The following RAB11A variants were observed in gnomAD, a reference collection of about 807,000 sequenced individuals.
RAB11A encodes RAB11A, member RAS oncogene family, also known as ras-related protein Rab-11A.
RAB11A carries 9 observed loss-of-function variants against 28.0 expected under a neutral mutation model. The observed-to-expected ratio is 0.32, with a 90% CI of 0.19 to 0.56. RAB11A has a LOEUF of 0.56. Among genes scored for constraint, RAB11A ranks in the 20% least tolerant of loss-of-function variants. The pLI, the probability that RAB11A is intolerant of heterozygous loss-of-function variation, is 0.91. For missense variants in RAB11A, 108 were observed against 269.6 expected, an observed-to-expected ratio of 0.40 and a Z score of 4.20; for synonymous variants, 85 against 88.2, an observed-to-expected ratio of 0.96 and a Z score of 0.20.
In RAB11A at chr15:65,887,764, G is replaced by C; in HGVS notation, c.575G>C (p.Ser192Thr). ...AGACGCGAAAATGACATGTCTCCAA[G>C]CAACAATGTGGTTCCTATTCATGTT... Reference protein sequence around the residue: ...SDRRENDMSPSNNVVPIHVPP... With the variant: ...SDRRENDMSPTNNVVPIHVPP... Residue 192 changes from serine (S) to threonine (T), a missense_variant, in exon 5 of 5, where the codon AGC becomes ACC. By Grantham distance (58) the Ser-to-Thr change is moderately conservative. This residue lies in a region of RAB11A where 85 missense variants were observed against 145.9 expected (regional missense o/e 0.58). Transcript: ENST00000261890. 1.2e-6 allele frequency: 2 copies of C among 1,613,628 alleles called. No homozygotes were observed. Among genetic ancestry groups the C allele is most frequent in the South Asian group, 2.2e-5 (2 of 91,016 alleles).
intron 4 of RAB11A, among the ~76,000 whole-genome samples, chr15:65,887,222 G>A (rs553301199): frequency 6.7e-6 from 1 of 149,780 alleles, no homozygotes; most frequent in African/African-American, 2.5e-5. Flanking sequence ...TGTCTAGGCT[G>A]GAGTGCAGTG....
chr15:65,880,452 C>T (rs531523095), intron 4 of RAB11A, among the ~76,000 whole-genome samples: 26 of 152,138 alleles, frequency 1.7e-4, no homozygotes, highest in South Asian at 1.0e-3. Flanking sequence ...TTTTTAAATA[C>T]TTTTAAATTG....
At position 65,880,678 on chromosome 15, in the gene RAB11A, G is replaced by A. The variant is rs183487354; in HGVS notation, c.511+927G>A. Among the ~76,000 whole-genome samples, 13 of 152,246 alleles carry A rather than the reference G, an allele frequency of 8.5e-5. No homozygotes were observed. The East Asian group carries it at 1.7e-3, about 20-fold the overall frequency. On this transcript the variant is annotated intron_variant, in intron 4 of 4. Transcript: ENST00000261890. ...CTTCTTTTACTGTAAAAATGTAAGC[G>A]TAAAGTCAAGGAGTTAAGATTTGGA... is the stretch of plus-strand genomic sequence containing the variant.
rs988621308 is a variant in RAB11A, at chr15:65,891,572, ATTCATCCCAATTCGAACTCT to A, written c.*3733_*3752del. ...GTACCAGATTAAATAAACTCTGGGG[ATTCATCCCAATTCGAACTCT>A]GTAATTCTCTGAATGAACTCTCTCT... On this transcript the variant is annotated 3_prime_UTR_variant, in exon 5 of 5. Transcript: ENST00000261890. 23 of 152,320 alleles carry A rather than the reference ATTCATCCCAATTCGAACTCT, an allele frequency of 1.5e-4. No homozygotes were observed. Among genetic ancestry groups the A allele is most frequent in the South Asian group, 8.3e-4 (4 of 4,830 alleles). 9.4% of individuals were successfully genotyped at this position (152,320 alleles called of 1,614,324 possible).
intron 4 of RAB11A, among the ~76,000 whole-genome samples, chr15:65,885,572 C>G (rs1252851837): frequency 6.6e-6 from 1 of 152,104 alleles, no homozygotes; most frequent in African/African-American, 2.4e-5. Context: ...TCCCTATTGC[C>G]CTCTGAAGGT....
chr15:65,886,323 A>T (rs1427253058), intron 4 of RAB11A, among the ~76,000 whole-genome samples: 2 of 152,240 alleles, frequency 1.3e-5, no homozygotes, highest in Admixed American at 1.3e-4. Context: ...TAATTAAAAT[A>T]GATGGCTACT....
intron 4 of RAB11A, among the ~76,000 whole-genome samples, chr15:65,879,955 G>A (rs1359113629): frequency 6.6e-6 from 1 of 152,172 alleles, no homozygotes; most frequent in Non-Finnish European, 1.5e-5. Flanking sequence ...CTGATTTATA[G>A]TGGGAAAAAT....
At position 65,888,065 on chromosome 15, in the gene RAB11A, C is replaced by A; in HGVS notation, c.*225C>A. 1 of 413,368 alleles carries A rather than the reference C, an allele frequency of 2.4e-6. No individual in the cohort carries two copies. The highest frequency in any genetic ancestry group is 4.2e-6 in the Non-Finnish European group (1 of 238,548). 25.6% of individuals were successfully genotyped at this position (413,368 alleles called of 1,614,324 possible). ...GCTTCACTAGCCTTAGTTTAATAAA[C>A]TGAATGTTTGGATTCCTCAGTTATT... On this transcript the variant is annotated 3_prime_UTR_variant, in exon 5 of 5. Coordinates refer to ENST00000261890, the MANE Select transcript of RAB11A (RefSeq NM_004663.5).
chr15:65,882,825 A>T (rs369813105), intron 4 of RAB11A, among the ~76,000 whole-genome samples: 8 of 152,288 alleles, frequency 5.3e-5, no homozygotes, highest in African/African-American at 1.9e-4. Flanking sequence ...TCACTAAAGG[A>T]TGTTTTTAAT....
At chr15:65,881,446 T>C (rs1414260289) in intron 4 of RAB11A, among the ~76,000 whole-genome samples, 1 of 152,216 alleles carries the variant, frequency 6.6e-6, no homozygotes. Flanking sequence ...TTAAATTACC[T>C]TAAAGATGTG....
rs1227252065 is a variant in RAB11A, at chr15:65,889,947, C to G, written c.*2107C>G. The G allele has an allele frequency of 1.3e-5, 2 of 152,124 alleles. No individual in the cohort carries two copies. Among genetic ancestry groups the G allele is most frequent in the Non-Finnish European group, 2.9e-5 (2 of 68,020 alleles). The allele number at this position is 152,124 out of a possible 1,614,324, so 9.4% of individuals were successfully genotyped here. A position where few individuals can be genotyped will look rare whatever the true frequency, so the allele number is the denominator to read the frequency against. ...TCTGAGTAGTATCTTAGGAGACAAA[C>G]TGTCTCAAGCAAGAAACAATAAATT... On this transcript the variant is annotated 3_prime_UTR_variant, in exon 5 of 5. Coordinates refer to ENST00000261890, the MANE Select transcript of RAB11A (RefSeq NM_004663.5).
At chr15:65,872,896 A>AT (rs751639342) in intron 1 of RAB11A, among the ~76,000 whole-genome samples, 28 of 152,166 alleles carry the variant, frequency 1.8e-4, no homozygotes, top group Admixed American at 2.0e-4. Context: ...TTGTACAGAG[A>AT]TTTATTCACT....
chr15:65,878,113 C>T, intron 3 of RAB11A, 158 bp downstream of exon 3: 1 of 782,968 alleles, frequency 1.3e-6, no homozygotes, highest in Non-Finnish European at 2.2e-6. Context: ...AGCTTTTTTG[C>T]TTTGAGTCAT....
intron 4 of RAB11A, among the ~76,000 whole-genome samples, chr15:65,884,304 T>G (rs1596790826): frequency 6.6e-6 from 1 of 152,336 alleles, no homozygotes; most frequent in Non-Finnish European, 1.5e-5. Context: ...CTTGCATCTT[T>G]AAGCTTTCCC....
At position 65,889,168 on chromosome 15, in the gene RAB11A, C is replaced by T. The variant is rs2078271287; in HGVS notation, c.*1328C>T. ...TACTATTCAGGATGGTGGGAAATCC[C>T]CAAAAATATGTATGTGTGGGCTTGC... On this transcript the variant is annotated 3_prime_UTR_variant, in exon 5 of 5. Coordinates refer to ENST00000261890, the MANE Select transcript of RAB11A (RefSeq NM_004663.5). 6.6e-6 allele frequency: 1 copy of T among 152,586 alleles called. No homozygotes were observed. Among genetic ancestry groups the T allele is most frequent in the African/African-American group, 2.4e-5 (1 of 41,436 alleles). 9.5% of individuals were successfully genotyped at this position (152,586 alleles called of 1,614,324 possible).
chr15:65,877,565 G>A lies in RAB11A; in HGVS notation c.236+38G>A. 6.4e-7 allele frequency: 1 copy of A among 1,567,950 alleles called. No homozygotes were observed. Among genetic ancestry groups the A allele is most frequent in the East Asian group, 2.3e-5 (1 of 44,364 alleles). On this transcript the variant is annotated intron_variant, in intron 2 of 4. Transcript: ENST00000261890. The surrounding 1 kb of genome is among the most constrained non-coding windows in gnomAD (Gnocchi z 4.1). ...GTTTTTAAGTTCTGTGAAATGGGTT[G>A]CCATCGAGTGAATTAGCTGACTTTT...
chr15:65,873,610 A>C (rs1304511370), intron 1 of RAB11A, among the ~76,000 whole-genome samples: 1 of 151,916 alleles, frequency 6.6e-6, no homozygotes, highest in African/African-American at 2.4e-5. Flanking sequence ...CTGGAGTGCC[A>C]TGGCACAGTC....
In RAB11A at chr15:65,888,002, A is replaced by G. The variant is rs2078265122; in HGVS notation, c.*162A>G. Reference sequence around the variant, plus strand: ...TGATTTTAGCTTTATAAAATCATCCACTTGTCCCGAATGACTGCAGCTTTT... The same window carrying G: ...TGATTTTAGCTTTATAAAATCATCCGCTTGTCCCGAATGACTGCAGCTTTT... On this transcript the variant is annotated 3_prime_UTR_variant, in exon 5 of 5. Transcript: ENST00000261890. 5.6e-6 allele frequency: 4 copies of G among 717,070 alleles called. No homozygotes were observed. The East Asian group carries it at 1.0e-4, about 18-fold the overall frequency. The allele number at this position is 717,070 out of a possible 1,614,324, so 44.4% of individuals were successfully genotyped here.
chr15:65,891,343 A>G lies in RAB11A; in HGVS notation c.*3503A>G, dbSNP rs921106544. 2.0e-5 allele frequency: 3 copies of G among 152,240 alleles called. No individual in the cohort carries two copies. The highest frequency in any genetic ancestry group is 7.2e-5 in the African/African-American group (3 of 41,466). 9.4% of individuals were successfully genotyped at this position (152,240 alleles called of 1,614,324 possible). ...GGTTATCTATTCTCCTGAAAAGTGA[A>G]TTGGAGAATAAAGAAAGAATATTTG... On this transcript the variant is annotated 3_prime_UTR_variant, in exon 5 of 5. Coordinates refer to ENST00000261890, the MANE Select transcript of RAB11A (RefSeq NM_004663.5).
Sources: allele counts gnomAD v4.1 joint callset (sites outside exome capture counted in the v4.1 genomes callset), GRCh38; gene constraint gnomAD v4.1.1; regional missense constraint gnomAD v4.1.1; non-coding constraint Gnocchi (gnomAD v3.1); transcripts MANE v1.5; gene names NCBI Gene and HGNC (gene_info 2026-07-23, HGNC 2026-07-21).